The following UBAP2L variants were observed in gnomAD, a reference collection of about 807,000 sequenced individuals.
UBAP2L encodes ubiquitin-associated protein 2-like.
UBAP2L carries 12 observed loss-of-function variants against 130.6 expected under a neutral mutation model. The ratio of observed to expected loss-of-function variants is 0.09; its 90% confidence interval spans 0.06 to 0.15. UBAP2L has a LOEUF of 0.15. Ranked by LOEUF, UBAP2L falls within the 10% of genes least tolerant of loss-of-function variation. The pLI is 1.00. For missense variants in UBAP2L, 965 were observed against 1,332.5 expected, an observed-to-expected ratio of 0.72 and a Z score of 4.29; for synonymous variants, 503 against 524.7, an observed-to-expected ratio of 0.96 and a Z score of 0.57.
chr1:154,225,828 T>G (rs1007197806), intron 2 of UBAP2L, among the ~76,000 whole-genome samples: 3 of 152,234 alleles, frequency 2.0e-5, no homozygotes, highest in Non-Finnish European at 4.4e-5. Context: ...TCTCTTTTGT[T>G]TTTGAGACGG....
Position 154,220,990 on chromosome 1 carries a change from G to T in UBAP2L, c.-41+15G>T, listed in dbSNP as rs1665699389. On this transcript the variant is annotated intron_variant, in intron 1 of 26. Transcript: ENST00000428931. The stretch of plus-strand genomic sequence containing the variant: ...AGGAGACTGAGGTAAAGTTGGGAGC[G>T]CAGCGGCGTTGGCGGCGGCGGCGGC... The T allele has an allele frequency of 1.1e-5, 2 of 187,124 alleles. No individual in the cohort carries two copies. The highest frequency in any genetic ancestry group is 2.2e-5 in the Non-Finnish European group (2 of 89,676). 11.6% of individuals were successfully genotyped at this position (187,124 alleles called of 1,614,324 possible). A position where few individuals can be genotyped will look rare whatever the true frequency, so the allele number is the denominator to read the frequency against.
chr1:154,253,710 T>G (rs183968607), intron 14 of UBAP2L, among the ~76,000 whole-genome samples, 190 bp from the exon 15 acceptor site: 77 of 152,302 alleles, frequency 5.1e-4, no homozygotes, highest in African/African-American at 1.6e-3. Context: ...TTCAGATCTC[T>G]GGCGCTATAG....
chr1:154,220,760 C>A (rs927838543), upstream of UBAP2L: 5 of 289,464 alleles, frequency 1.7e-5, no homozygotes, highest in Admixed American at 1.9e-4. Flanking sequence ...ACTCGCGGAG[C>A]CGGAAAGAGG....
intron 8 of UBAP2L, among the ~76,000 whole-genome samples, chr1:154,240,687 C>T (rs946713926): frequency 7.9e-5 from 12 of 152,046 alleles, no homozygotes; most frequent in East Asian, 1.9e-4. Context: ...GCCCTCAGTT[C>T]GGGTTTCAAA....
intron 20 of UBAP2L, among the ~76,000 whole-genome samples, chr1:154,258,466 T>C (rs1680417076): frequency 6.6e-6 from 1 of 152,186 alleles, no homozygotes; most frequent in Non-Finnish European, 1.5e-5. Flanking sequence ...GAAGGATATA[T>C]GGAAACGTTT....
At chr1:154,237,286 GT>G in intron 8 of UBAP2L, 150 bp downstream of exon 8, 1 of 688,854 alleles carries the variant, frequency 1.5e-6, no homozygotes, top group Non-Finnish European at 2.5e-6. Flanking sequence ...TGTGTGTACT[GT>G]TTATGTAACG....
At chr1:154,251,377 G>A in intron 13 of UBAP2L, 59 bp downstream of exon 13, 2 of 1,576,934 alleles carry the variant, frequency 1.3e-6, no homozygotes. Context: ...CTTGAGAATT[G>A]AGATTAAAAG....
At chr1:154,267,992 C>T (rs113746826) in intron 25 of UBAP2L, among the ~76,000 whole-genome samples, 9,194 of 145,398 alleles carry the variant, frequency 0.063, 935 homozygotes, top group African/African-American at 0.22. Flanking sequence ...CGGGTTCAAG[C>T]GATTCTCCTG....
rs746424782 is a variant in UBAP2L, at chr1:154,246,532, AG to A, written c.1014+162del. 1.6e-3 allele frequency among the ~76,000 whole-genome samples: 244 copies of A among 152,312 alleles called. 1 individual carries two copies. The highest frequency in any genetic ancestry group is 6.3e-3 in the Admixed American group (96 of 15,294). Reference sequence around the variant, plus strand: ...TGTAGAAATGTTTGAGTTGGGTAATAGGGGGTAGCTCTAAGAGAGGACTTAG... The same window carrying A: ...TGTAGAAATGTTTGAGTTGGGTAATAGGGGTAGCTCTAAGAGAGGACTTAG... On this transcript the variant is annotated intron_variant, in intron 11 of 26. Coordinates refer to ENST00000428931, the MANE Select transcript of UBAP2L (RefSeq NM_014847.4).
rs1476331330 is a variant in UBAP2L, at chr1:154,270,225, C to T, written c.3194C>T (p.Thr1065Ile). The T allele has an allele frequency of 1.9e-6, 3 of 1,612,174 alleles. No homozygotes were observed. The highest frequency in any genetic ancestry group is 1.7e-5 in the Admixed American group (1 of 59,866). ...GQTGSGQRSQ[T>I]SSIPQKPQTN... ...ACGGGCAGCGGGCAACGTAGCCAGA[C>T]CAGCTCCATCCCGCAGAAGCCCCAG... is the stretch of plus-strand genomic sequence containing the variant. The change falls in exon 27 of 27, where the codon ACC becomes ATC. Residue 1065 changes from threonine to isoleucine, a missense_variant. Coordinates refer to ENST00000428931, the MANE Select transcript of UBAP2L (RefSeq NM_014847.4).
intron 10 of UBAP2L, 52 bp downstream of exon 10, chr1:154,243,354 T>G (rs1265145133): frequency 2.6e-6 from 4 of 1,549,880 alleles, no homozygotes; most frequent in Non-Finnish European, 3.5e-6. Context: ...CTGCTGAGAT[T>G]ACTGTAAAGA....
In UBAP2L at chr1:154,257,269, A is replaced by G; in HGVS notation, c.2353+11A>G. On this transcript the variant is annotated intron_variant, in intron 19 of 26. Coordinates refer to ENST00000428931, the MANE Select transcript of UBAP2L (RefSeq NM_014847.4). ...TTGCTACGACTTCAGGTAGCCTTGC[A>G]TAAGCAGATGGCATTCCTCTGGGAT... The G allele has an allele frequency of 1.2e-6, 2 of 1,614,226 alleles. No homozygotes were observed. The highest frequency in any genetic ancestry group is 1.1e-5 in the South Asian group (1 of 91,086).
At chr1:154,225,777 CA>C (rs906503028) in intron 2 of UBAP2L, among the ~76,000 whole-genome samples, 1 of 152,188 alleles carries the variant, frequency 6.6e-6, no homozygotes, top group Admixed American at 6.5e-5. Flanking sequence ...GCCATTTTAG[CA>C]ATACCTTTCT....
intron 6 of UBAP2L, among the ~76,000 whole-genome samples, chr1:154,235,932 A>G (rs1351366031): frequency 6.6e-6 from 1 of 152,128 alleles, no homozygotes; most frequent in East Asian, 1.9e-4. Flanking sequence ...ACAAATTAAC[A>G]TGAAGTCTAG....
Position 154,255,249 on chromosome 1 carries a change from C to T in UBAP2L, c.2007C>T (p.Thr669=). 1 of 1,614,202 alleles carries T rather than the reference C, an allele frequency of 6.2e-7. No homozygotes were observed. The highest frequency in any genetic ancestry group is 8.5e-7 in the Non-Finnish European group (1 of 1,180,036). ...CTGCAGCTTCCTTACTGACGACAACCAATCAGCATTCATCCTCCTTGGGTG... is the reference window on the plus strand; with the variant it reads ...CTGCAGCTTCCTTACTGACGACAACTAATCAGCATTCATCCTCCTTGGGTG... ...TVSAASLLTT[T]NQHSSSLGGL... is the part of the protein sequence containing the mutation. The change falls in exon 17 of 27, where the codon ACC becomes ACT. Residue 669 remains threonine (T), a synonymous_variant. Transcript: ENST00000428931.
chr1:154,267,714 G>A lies in UBAP2L; in HGVS notation c.2971-1043G>A, dbSNP rs149331519. 7.5e-3 allele frequency among the ~76,000 whole-genome samples: 1,130 copies of A among 150,982 alleles called. 12 individuals are homozygous for A. Among genetic ancestry groups the A allele is most frequent in the African/African-American group, 0.026 (1,079 of 41,118 alleles). On this transcript the variant is annotated intron_variant, in intron 25 of 26. Transcript: ENST00000428931. ...TTGCCATGTTGCCCAGGCTCGTCTC[G>A]AACTCCTGGGCTCAAGCAATCCACC...
chr1:154,248,072 A>C (rs529964931), intron 11 of UBAP2L, among the ~76,000 whole-genome samples: 1 of 151,992 alleles, frequency 6.6e-6, no homozygotes, highest in Non-Finnish European at 1.5e-5. Context: ...GGTTCAAGCA[A>C]TTCTCCTGCC....
In UBAP2L at chr1:154,235,285, G is replaced by A. The variant is rs1280185189; in HGVS notation, c.538G>A (p.Gly180Ser). 1.3e-6 allele frequency: 1 copy of A among 772,230 alleles called. No individual in the cohort carries two copies. Among genetic ancestry groups the A allele is most frequent in the Non-Finnish European group, 2.4e-6 (1 of 416,006 alleles). The allele number at this position is 772,230 out of a possible 1,614,324, so 47.8% of individuals were successfully genotyped here. Reference sequence around the variant, plus strand: ...AAGAGGCAGAAGGGGCCGTGGCCGAGGCAGAGGTGATCAGTTTGTTGGGGG... The same window carrying A: ...AAGAGGCAGAAGGGGCCGTGGCCGAAGCAGAGGTGATCAGTTTGTTGGGGG... ...TERGRRGRGR[G>S]RGGSGRRGGR... Residue 180 changes from glycine (G) to serine (S), a missense_variant, in exon 6 of 27, where the codon GGC becomes AGC. Coordinates refer to ENST00000428931, the MANE Select transcript of UBAP2L (RefSeq NM_014847.4).
At chr1:154,236,075 C>T (rs1671572000) in intron 6 of UBAP2L, among the ~76,000 whole-genome samples, 1 of 152,062 alleles carries the variant, frequency 6.6e-6, no homozygotes, top group African/African-American at 2.4e-5. Context: ...AGTCTGAGAG[C>T]AAAAGAAAAA....
Sources: allele counts gnomAD v4.1 joint callset (sites outside exome capture counted in the v4.1 genomes callset), GRCh38; gene constraint gnomAD v4.1.1; transcripts MANE v1.5; gene names NCBI Gene and HGNC (gene_info 2026-07-23, HGNC 2026-07-21).